The following RBFOX1 variants were observed in gnomAD, a reference collection of about 807,000 sequenced individuals.
RBFOX1 encodes RNA binding fox-1 homolog 1, also known as RNA binding protein fox-1 homolog 1.
RBFOX1 carries 8 observed loss-of-function variants against 57.7 expected under a neutral mutation model. The observed-to-expected ratio is 0.14, with a 90% CI of 0.08 to 0.25. The LOEUF is 0.25. Among genes scored for constraint, RBFOX1 ranks in the 10% least tolerant of loss-of-function variants. The probability of loss-of-function intolerance (pLI) is 1.00; values close to 1 mark genes in which losing one functional copy is unlikely to be tolerated. For missense variants in RBFOX1, 611 were observed against 548.5 expected (o/e 1.11, Z -1.14); for synonymous variants, 326 against 222.4 (o/e 1.47, Z -4.15).
chr16:6,456,236 G>A (rs1162972212), intron 2 of RBFOX1, among the ~76,000 whole-genome samples: 2 of 152,080 alleles, frequency 1.3e-5, no homozygotes, highest in African/African-American at 4.8e-5. Context: ...AGAGAATTGT[G>A]TATTTTTAGA....
chr16:7,688,474 C>A (rs1434347594), intron 14 of RBFOX1, among the ~76,000 whole-genome samples: 1 of 151,984 alleles, frequency 6.6e-6, no homozygotes, highest in East Asian at 1.9e-4. Context: ...CCTGCCCGCA[C>A]CAAAAGTTTT....
At chr16:6,951,622 G>A (rs1213403463) in intron 3 of RBFOX1, among the ~76,000 whole-genome samples, 2 of 152,034 alleles carry the variant, frequency 1.3e-5, no homozygotes, top group African/African-American at 4.8e-5. Flanking sequence ...TTCTCATGGT[G>A]ATTTCAGGGT....
intron 2 of RBFOX1, among the ~76,000 whole-genome samples, chr16:6,629,342 A>C (rs561635626): frequency 1.3e-5 from 2 of 152,334 alleles, no homozygotes; most frequent in East Asian, 3.9e-4. Context: ...ATGGAAAGAA[A>C]CACAGTGTTG....
At chr16:6,606,062 T>A (rs1320221093) in intron 2 of RBFOX1, among the ~76,000 whole-genome samples, 1 of 151,870 alleles carries the variant, frequency 6.6e-6, no homozygotes, top group African/African-American at 2.4e-5. Context: ...TGAGCCGAGA[T>A]CACGCCCCTG....
At chr16:5,862,975 G>A (rs578115847) in intron 3 of RBFOX1, among the ~76,000 whole-genome samples, 1 of 152,232 alleles carries the variant, frequency 6.6e-6, no homozygotes, top group Admixed American at 6.5e-5. Flanking sequence ...GACATCTCCT[G>A]ATGTGTGGGA....
In RBFOX1 at chr16:6,662,131, G is replaced by A. The variant is rs973146840; in HGVS notation, c.-16+7481G>A. Among the ~76,000 whole-genome samples, 3 of 147,438 alleles carry A rather than the reference G, an allele frequency of 2.0e-5. No individual in the cohort carries two copies. The Admixed American group carries it at 2.0e-4, about 10-fold the overall frequency. ...GGATGGTGGTTGCCGAGGGCTGGGG[G>A]CGGGGTGAAAAAAAAGGGAGGATCT... On this transcript the variant is annotated intron_variant, in intron 3 of 15. Coordinates refer to ENST00000550418, the MANE Select transcript of RBFOX1 (RefSeq NM_018723.4).
intron 1 of RBFOX1, among the ~76,000 whole-genome samples, chr16:6,113,849 C>G (rs1056532893): frequency 6.6e-6 from 1 of 152,180 alleles, no homozygotes; most frequent in African/African-American, 2.4e-5. Flanking sequence ...TATTCCACTG[C>G]CAGGCCGTTC....
intron 3 of RBFOX1, among the ~76,000 whole-genome samples, chr16:6,784,076 C>G (rs948517801): frequency 2.6e-5 from 4 of 151,950 alleles, no homozygotes; most frequent in African/African-American, 9.7e-5. Flanking sequence ...CTCTTTTTGT[C>G]CTTAACCTTT....
chr16:7,026,794 T>C (rs959099067), intron 3 of RBFOX1, among the ~76,000 whole-genome samples: 2 of 152,118 alleles, frequency 1.3e-5, no homozygotes, highest in Non-Finnish European at 2.9e-5. Context: ...CACCTTTAAA[T>C]GAGATTTAGA....
intron 5 of RBFOX1, among the ~76,000 whole-genome samples, chr16:7,535,295 C>G (rs1242239463): frequency 6.6e-6 from 1 of 152,188 alleles, no homozygotes; most frequent in Admixed American, 6.5e-5. Context: ...CTTTCTGTAG[C>G]TGGGAGCCTG....
At chr16:7,678,316 G>C (rs2073910455) in intron 14 of RBFOX1, among the ~76,000 whole-genome samples, 1 of 152,184 alleles carries the variant, frequency 6.6e-6, no homozygotes, top group Non-Finnish European at 1.5e-5. Flanking sequence ...GATTAGGAAA[G>C]TAGAGAGGGT....
intron 1 of RBFOX1, among the ~76,000 whole-genome samples, chr16:6,222,302 T>A (rs1278678204): frequency 2.6e-5 from 4 of 152,184 alleles, no homozygotes; most frequent in Non-Finnish European, 5.9e-5. Context: ...TACCTTGCTG[T>A]CTTCCGCTCT....
At chr16:7,305,646 T>C (rs548804917) in intron 4 of RBFOX1, among the ~76,000 whole-genome samples, 3 of 152,306 alleles carry the variant, frequency 2.0e-5, no homozygotes, top group East Asian at 3.9e-4. Flanking sequence ...GTTAAAGGAA[T>C]GTATATTTTT....
chr16:7,688,168 G>A (rs1285457282), intron 14 of RBFOX1, among the ~76,000 whole-genome samples: 1 of 151,098 alleles, frequency 6.6e-6, no homozygotes, highest in East Asian at 1.9e-4. Context: ...CAGGCCAGAA[G>A]ACCAACTTCT....
intron 6 of RBFOX1, among the ~76,000 whole-genome samples, chr16:7,584,152 C>G (rs2093968628): frequency 6.6e-6 from 1 of 152,152 alleles, no homozygotes; most frequent in Admixed American, 6.5e-5. Flanking sequence ...AATCTTTGAA[C>G]TAACCTTTAC....
At chr16:6,795,937 A>T (rs1010700339) in intron 3 of RBFOX1, among the ~76,000 whole-genome samples, 5 of 152,080 alleles carry the variant, frequency 3.3e-5, no homozygotes, top group Non-Finnish European at 7.4e-5. Flanking sequence ...GAATCCAAAC[A>T]TTGAGAAACA....
chr16:5,401,103 C>G (rs954162327), intron 1 of RBFOX1, among the ~76,000 whole-genome samples: 1 of 151,506 alleles, frequency 6.6e-6, no homozygotes, highest in Non-Finnish European at 1.5e-5. Flanking sequence ...CAGGCTTTTT[C>G]TTTGTGATTT....
chr16:5,952,797 C>T (rs557243780), intron 4 of RBFOX1, among the ~76,000 whole-genome samples: 14 of 152,192 alleles, frequency 9.2e-5, no homozygotes, highest in South Asian at 2.1e-4. Context: ...AGAGTTTCTC[C>T]AGGACAAGGC....
intron 4 of RBFOX1, among the ~76,000 whole-genome samples, chr16:7,304,851 C>A (rs1254729242): frequency 6.6e-6 from 1 of 151,302 alleles, no homozygotes; most frequent in Non-Finnish European, 1.5e-5. Flanking sequence ...CATTCCGGTG[C>A]CTGTAGTGTT....
Sources: gnomAD v4.1 joint callset for allele counts (sites outside exome capture counted in the v4.1 genomes callset) on GRCh38, gnomAD v4.1.1 for gene constraint, MANE v1.5 for transcripts, NCBI Gene and HGNC (gene_info 2026-07-23, HGNC 2026-07-21) for gene names.